EML4: variants seen among roughly 807,000 people sequenced by gnomAD.
EML4 encodes echinoderm microtubule-associated protein-like 4.
EML4 carries 72 observed loss-of-function variants against 129.0 expected under a neutral mutation model. The ratio of observed to expected loss-of-function variants is 0.56; its 90% CI spans 0.46 to 0.68. The LOEUF is 0.68. EML4 is among the 30% of genes least tolerant of loss of function. The pLI is 0.00. For synonymous variants in EML4, 532 were observed against 405.0 expected (o/e 1.31, Z -3.77); for missense variants, 1,363 against 1,190.6 (o/e 1.14, Z -2.13).
In EML4 at chr2:42,201,677, C is replaced by T. The variant is rs117183908; in HGVS notation, c.25+32041C>T. 6.3e-4 allele frequency among the ~76,000 whole-genome samples: 96 copies of T among 152,270 alleles called. 1 individual carries two copies. The East Asian group carries it at 0.018, about 28-fold the overall frequency. On this transcript the variant is annotated intron_variant, in intron 1 of 22. Transcript: ENST00000318522. ...GGGGGAAAGCCTGTCATTTGCACAA[C>T]ATGGATGAACCTAGAAGACATTCTG...
At chr2:42,255,928 C>T (rs570619552) in intron 2 of EML4, among the ~76,000 whole-genome samples, 2 of 152,298 alleles carry the variant, frequency 1.3e-5, no homozygotes, top group East Asian at 3.9e-4. Flanking sequence ...CAAATCTTTA[C>T]TTGACTCTTA....
intron 13 of EML4, among the ~76,000 whole-genome samples, chr2:42,297,304 T>G (rs72972041): frequency 0.011 from 1,725 of 152,322 alleles, 43 homozygotes; most frequent in African/African-American, 0.039. Flanking sequence ...ACAGTGACTT[T>G]TAAATTGTTC....
At chr2:42,264,944 C>T (rs2104399970) in intron 6 of EML4, 1 of 1,550,386 alleles carries the variant, frequency 6.5e-7, no homozygotes, top group Non-Finnish European at 8.7e-7. Context: ...GCGAAAAAAA[C>T]AGCCAAGGTA....
intron 7 of EML4, among the ~76,000 whole-genome samples, chr2:42,281,709 T>G (rs2104462747): frequency 6.6e-6 from 1 of 152,360 alleles, no homozygotes; most frequent in Middle Eastern, 3.4e-3. Flanking sequence ...TTAACAAGGC[T>G]GATTCTAATT....
At chr2:42,306,105 G>A (rs1668579228) in intron 17 of EML4, among the ~76,000 whole-genome samples, 1 of 152,170 alleles carries the variant, frequency 6.6e-6, no homozygotes, top group Non-Finnish European at 1.5e-5. Context: ...AGAGCATTTG[G>A]TGATACTTTG....
chr2:42,208,074 G>A (rs969812023), intron 1 of EML4: 1 of 152,064 alleles, frequency 6.6e-6, no homozygotes, highest in Non-Finnish European at 1.5e-5. Flanking sequence ...CCTCTTCTTT[G>A]GTGGACAGGT....
intron 6 of EML4, among the ~76,000 whole-genome samples, chr2:42,270,641 ACT>A (rs1235324079): frequency 6.6e-6 from 1 of 152,094 alleles, no homozygotes; most frequent in Non-Finnish European, 1.5e-5. Context: ...TGTCCTGCTG[ACT>A]CTGTATATTG....
chr2:42,272,207 G>A (rs1666410592), intron 6 of EML4, among the ~76,000 whole-genome samples: 2 of 152,108 alleles, frequency 1.3e-5, no homozygotes, highest in South Asian at 4.2e-4. Context: ...ATTAGCTGTA[G>A]CCAGGAAGAG....
chr2:42,297,944 A>C (rs1401652351), intron 13 of EML4, among the ~76,000 whole-genome samples: 2 of 152,186 alleles, frequency 1.3e-5, no homozygotes, highest in Non-Finnish European at 2.9e-5. Context: ...ATTAATGTGA[A>C]TCTTCAAAGT....
intron 1 of EML4, among the ~76,000 whole-genome samples, chr2:42,194,780 G>A (rs1025793916): frequency 1.3e-5 from 2 of 151,956 alleles, no homozygotes; most frequent in African/African-American, 4.8e-5. Flanking sequence ...TAAAGTGCTG[G>A]GATTACAGGA....
At chr2:42,269,593 A>G (rs548416065) in intron 6 of EML4, among the ~76,000 whole-genome samples, 3 of 152,316 alleles carry the variant, frequency 2.0e-5, no homozygotes, top group African/African-American at 4.8e-5. Context: ...TATTTTATAT[A>G]GAGTAGTTAG....
At chr2:42,190,013 G>A (rs968321643) in intron 1 of EML4, among the ~76,000 whole-genome samples, 3 of 150,966 alleles carry the variant, frequency 2.0e-5, no homozygotes, top group African/African-American at 7.3e-5. Flanking sequence ...TTTTTTTTAG[G>A]TGATGGTGTT....
chr2:42,185,825 A>G (rs1030238964), intron 1 of EML4, among the ~76,000 whole-genome samples: 5 of 152,130 alleles, frequency 3.3e-5, no homozygotes, highest in Admixed American at 6.5e-5. Context: ...TAGGAATATC[A>G]GTGTGGAGTT....
At chr2:42,320,712 C>T (rs1669471746) in intron 19 of EML4, among the ~76,000 whole-genome samples, 1 of 152,126 alleles carries the variant, frequency 6.6e-6, no homozygotes, top group East Asian at 1.9e-4. Context: ...AAAGTTTCTA[C>T]TCAGTTTTCA....
At chr2:42,201,958 C>T (rs1417876079) in intron 1 of EML4, among the ~76,000 whole-genome samples, 1 of 152,072 alleles carries the variant, frequency 6.6e-6, no homozygotes, top group East Asian at 1.9e-4. Flanking sequence ...TGCTGCGCAC[C>T]TGTAATCCCA....
At chr2:42,313,511 C>T (rs960190654) in intron 17 of EML4, among the ~76,000 whole-genome samples, 9 of 151,932 alleles carry the variant, frequency 5.9e-5, no homozygotes, top group African/African-American at 2.2e-4. Flanking sequence ...CACGTTAAAC[C>T]ATACCACTAA....
chr2:42,263,527 C>T lies in EML4; in HGVS notation c.641+221C>T, dbSNP rs183142464. ...TCAAGCAATTCTCCTGCCTCGGCCT[C>T]CCAAGTAGCTGGGACTATAGGCACG... is the stretch of plus-strand genomic sequence containing the variant. On this transcript the variant is annotated intron_variant, in intron 5 of 22. Coordinates refer to ENST00000318522, the MANE Select transcript of EML4 (RefSeq NM_019063.5). Among the ~76,000 whole-genome samples the T allele has an allele frequency of 8.0e-3, 1,192 of 149,732 alleles. 10 individuals carry two copies. Among genetic ancestry groups the T allele is most frequent in the Non-Finnish European group, 0.011 (764 of 67,510 alleles).
intron 1 of EML4, among the ~76,000 whole-genome samples, chr2:42,236,615 A>G (rs1674689667): frequency 6.6e-6 from 1 of 152,230 alleles, no homozygotes; most frequent in African/African-American, 2.4e-5. Context: ...TAAAATATTT[A>G]ACTATTTTCC....
At chr2:42,310,672 C>G (rs1171020762) in intron 17 of EML4, among the ~76,000 whole-genome samples, 1 of 152,178 alleles carries the variant, frequency 6.6e-6, no homozygotes, top group South Asian at 2.1e-4. Flanking sequence ...TGTATATACT[C>G]CAGACTAGAA....
Sources: gnomAD v4.1 joint callset for allele counts (sites outside exome capture counted in the v4.1 genomes callset) on GRCh38, gnomAD v4.1.1 for gene constraint, MANE v1.5 for transcripts, NCBI Gene and HGNC (gene_info 2026-07-23, HGNC 2026-07-21) for gene names.